Variants in PRKG1 observed in about 807,000 individuals in gnomAD.
The protein encoded by PRKG1 is protein kinase cGMP-dependent 1, also known as cGMP-dependent protein kinase 1.
A neutral mutation model predicts 88.1 loss-of-function variants in PRKG1; 35 were observed. The observed-to-expected ratio is 0.40, with a 90% CI of 0.30 to 0.53. The LOEUF (loss-of-function observed/expected upper bound fraction) is 0.53. Among genes scored for constraint, PRKG1 ranks in the 20% least tolerant of loss-of-function variants. PRKG1 has a pLI of 0.59. For missense variants in PRKG1, 540 were observed against 839.8 expected, an observed-to-expected ratio of 0.64 and a Z score of 4.41; for synonymous variants, 303 against 292.5, an observed-to-expected ratio of 1.04 and a Z score of -0.37.
At chr10:51,850,587 T>G (rs1040263533) in intron 4 of PRKG1, among the ~76,000 whole-genome samples, 1 of 151,952 alleles carries the variant, frequency 6.6e-6, no homozygotes, top group Non-Finnish European at 1.5e-5. Context: ...AGGGAAAACA[T>G]TTGCATTACA....
chr10:51,121,466 A>T (rs1845259248), intron 1 of PRKG1, among the ~76,000 whole-genome samples: 1 of 152,184 alleles, frequency 6.6e-6, no homozygotes, highest in Non-Finnish European at 1.5e-5. Flanking sequence ...CACTAATTAA[A>T]TAAATACAGG....
chr10:52,216,688 G>A (rs904591244), intron 9 of PRKG1, among the ~76,000 whole-genome samples: 1 of 152,116 alleles, frequency 6.6e-6, no homozygotes, highest in African/African-American at 2.4e-5. Context: ...TGGTCCTAGA[G>A]GGAATAGAGC....
At chr10:51,454,788 C>T (rs1839536477) in intron 2 of PRKG1, among the ~76,000 whole-genome samples, 1 of 152,102 alleles carries the variant, frequency 6.6e-6, no homozygotes, top group African/African-American at 2.4e-5. Flanking sequence ...CAGTTATCTC[C>T]CACTGGGTCC....
intron 4 of PRKG1, among the ~76,000 whole-genome samples, chr10:51,905,209 A>C (rs994354592): frequency 6.6e-6 from 1 of 152,160 alleles, no homozygotes; most frequent in Non-Finnish European, 1.5e-5. Flanking sequence ...CTGCTGAAAT[A>C]GACTGCCTTC....
chr10:51,117,555 T>C (rs1172298163), intron 1 of PRKG1, among the ~76,000 whole-genome samples: 1 of 152,236 alleles, frequency 6.6e-6, no homozygotes, highest in South Asian at 2.1e-4. Context: ...ATGCTTACTA[T>C]GTCCCTAGTA....
chr10:51,185,790 TTTGAG>T (rs200139841), intron 2 of PRKG1, among the ~76,000 whole-genome samples: 4,295 of 151,824 alleles, frequency 0.028, 101 homozygotes, highest in Non-Finnish European at 0.046. Flanking sequence ...ACATTTGGTA[TTTGAG>T]TTATTTCTTT....
intron 3 of PRKG1, among the ~76,000 whole-genome samples, chr10:51,799,847 G>T (rs1022279585): frequency 6.6e-6 from 1 of 151,886 alleles, no homozygotes; most frequent in East Asian, 1.9e-4. Context: ...GGACCTATTT[G>T]TCAGTTTGGT....
chr10:51,919,436 C>A (rs1842414699), intron 5 of PRKG1, among the ~76,000 whole-genome samples: 1 of 152,044 alleles, frequency 6.6e-6, no homozygotes, highest in African/African-American at 2.4e-5. Context: ...GAAGAGCTAC[C>A]ATTCTTTTTT....
At chr10:51,135,196 C>G (rs1021434496) in intron 1 of PRKG1, among the ~76,000 whole-genome samples, 9 of 152,184 alleles carry the variant, frequency 5.9e-5, no homozygotes, top group Non-Finnish European at 1.2e-4. Context: ...TCTGGGAAAA[C>G]TTTCCCAATT....
intron 3 of PRKG1, among the ~76,000 whole-genome samples, chr10:51,607,470 A>T (rs886621659): frequency 1.1e-4 from 17 of 152,142 alleles, no homozygotes; most frequent in Non-Finnish European, 2.2e-4. Context: ...GTGAGAGGAA[A>T]AGGAAAGTTG....
At chr10:52,230,845 G>A (rs1840503706) in intron 9 of PRKG1, 1 of 152,174 alleles carries the variant, frequency 6.6e-6, no homozygotes, top group Non-Finnish European at 1.5e-5. Context: ...ATCTTAAATA[G>A]AGGTAACATC....
intron 5 of PRKG1, among the ~76,000 whole-genome samples, chr10:51,938,570 C>T (rs115505562): frequency 0.023 from 3,465 of 152,086 alleles, 121 homozygotes; most frequent in African/African-American, 0.075. Context: ...TTCCTTTCTT[C>T]TTAAACTTTG....
intron 2 of PRKG1, among the ~76,000 whole-genome samples, chr10:51,435,608 TG>T (rs1359875376): frequency 6.6e-6 from 1 of 151,984 alleles, no homozygotes; most frequent in Non-Finnish European, 1.5e-5. Context: ...TTTCTTGGAC[TG>T]GTTCAAAGTA....
intron 8 of PRKG1, among the ~76,000 whole-genome samples, chr10:52,159,525 C>T (rs1329771021): frequency 6.6e-6 from 1 of 151,530 alleles, no homozygotes; most frequent in East Asian, 1.9e-4. Flanking sequence ...TTTTAAAACT[C>T]CATCTAGCAT....
intron 5 of PRKG1, among the ~76,000 whole-genome samples, chr10:51,980,101 T>G (rs1425026560): frequency 6.6e-6 from 1 of 152,110 alleles, no homozygotes; most frequent in African/African-American, 2.4e-5. Flanking sequence ...TTTCTAACTT[T>G]TTCATGTGAG....
chr10:51,311,215 T>C (rs1841178015), intron 2 of PRKG1, among the ~76,000 whole-genome samples: 2 of 152,144 alleles, frequency 1.3e-5, no homozygotes, highest in South Asian at 2.1e-4. Context: ...ATTGTGTATC[T>C]CTCATGAGGG....
intron 5 of PRKG1, among the ~76,000 whole-genome samples, chr10:52,034,727 T>C (rs1458995676): frequency 1.3e-5 from 2 of 151,602 alleles, no homozygotes; most frequent in African/African-American, 2.4e-5. Flanking sequence ...GTATGAGTAG[T>C]TGAGAATGGT....
intron 4 of PRKG1, among the ~76,000 whole-genome samples, chr10:51,882,777 A>G (rs1589385619): frequency 6.6e-6 from 1 of 152,294 alleles, no homozygotes; most frequent in Non-Finnish European, 1.5e-5. Context: ...TCAATCCTTC[A>G]TGCCAATAGA....
chr10:51,556,235 C>T (rs1837307652), intron 3 of PRKG1, among the ~76,000 whole-genome samples: 1 of 151,676 alleles, frequency 6.6e-6, no homozygotes, highest in Non-Finnish European at 1.5e-5. Context: ...GATTATCATT[C>T]CTAGGATATA....
Sources: allele counts gnomAD v4.1 joint callset (sites outside exome capture counted in the v4.1 genomes callset), GRCh38; gene constraint gnomAD v4.1.1; transcripts MANE v1.5; gene names NCBI Gene and HGNC (gene_info 2026-07-23, HGNC 2026-07-21).